Variants in LGR6 observed in about 807,000 individuals in gnomAD.
LGR6 encodes the protein leucine rich repeat containing G protein-coupled receptor 6, also known as leucine-rich repeat-containing G protein-coupled receptor 6.
LGR6 carries 45 observed loss-of-function variants against 69.4 expected under a neutral mutation model. The observed-to-expected ratio is 0.65, with a 90% confidence interval of 0.51 to 0.83. LGR6 has a LOEUF of 0.83. LGR6 is among the 40% of genes least tolerant of loss of function. The pLI, the probability that LGR6 is intolerant of heterozygous loss-of-function variation, is 0.00. For missense variants in LGR6, 1,108 were observed against 1,246.7 expected (o/e 0.89, Z 1.68); for synonymous variants, 538 against 555.0 (o/e 0.97, Z 0.43).
At chr1:202,218,387 C>G (rs753706308) in intron 1 of LGR6, among the ~76,000 whole-genome samples, 11 of 152,196 alleles carry the variant, frequency 7.2e-5, no homozygotes, top group Non-Finnish European at 1.5e-4. Context: ...CAGCTTCAAA[C>G]TCCCAAGCTC....
At chr1:202,252,033 G>A (rs984907837) in intron 4 of LGR6, among the ~76,000 whole-genome samples, 12 of 151,980 alleles carry the variant, frequency 7.9e-5, no homozygotes, top group Non-Finnish European at 1.5e-5. Flanking sequence ...TGAAGGGGGT[G>A]CCCAGGGCTC....
intron 4 of LGR6, among the ~76,000 whole-genome samples, chr1:202,248,521 C>T (rs1571891148): frequency 6.6e-6 from 1 of 152,340 alleles, no homozygotes; most frequent in East Asian, 1.9e-4. Flanking sequence ...TTGGAGCCAG[C>T]TCCTTCCTTT....
At position 202,194,347 on chromosome 1, in the gene LGR6, G is replaced by A. The variant is rs529009182; in HGVS notation, c.212+146G>A. 1.1e-4 allele frequency: 66 copies of A among 598,458 alleles called. 1 individual carries two copies. The South Asian group carries it at 1.3e-3, about 12-fold the overall frequency. The allele number at this position is 598,458 out of a possible 1,614,324, so 37.1% of individuals were successfully genotyped here. The stretch of plus-strand genomic sequence containing the variant: ...TGCCCCCTTCCAAGTTGACCGTTGC[G>A]GGACTGGGGAGGGGAGAAGAGTCTG... On this transcript the variant is annotated intron_variant, in intron 1 of 17. Coordinates refer to ENST00000367278, the MANE Select transcript of LGR6 (RefSeq NM_001017403.2).
intron 3 of LGR6, among the ~76,000 whole-genome samples, chr1:202,232,256 C>T (rs543980773): frequency 1.1e-4 from 17 of 152,164 alleles, no homozygotes; most frequent in African/African-American, 4.1e-4. Flanking sequence ...ACTAAAGGAG[C>T]CTTTGGAAAC....
rs775944393 is a variant in LGR6 at position 202,319,199 on chromosome 1, C to T, written c.2896C>T (p.His966Tyr). 6.3e-6 allele frequency: 10 copies of T among 1,595,400 alleles called. No homozygotes were observed. The African/African-American group carries it at 1.1e-4, about 17-fold the overall frequency. ...GCCCTCTGGCTTGGCCTTTGCTTCA[C>T]ACGTGTAAATATCCCTCCCCATTCT... ...FQPSGLAFAS[H>Y]V Residue 966 changes from histidine (H) to tyrosine (Y), a missense_variant, in exon 18 of 18, where the codon CAC (histidine) becomes TAC (tyrosine). His to Tyr is a moderately conservative substitution (Grantham distance 83). Coordinates refer to ENST00000367278, the MANE Select transcript of LGR6 (RefSeq NM_001017403.2).
chr1:202,318,561 A>T lies in LGR6; in HGVS notation c.2258A>T (p.Lys753Ile). ...CTGGTCGTGGCCGGTGCCTACATCA[A>T]ACTGTACTGTGACCTGCCGCGGGGC... ...CFLVVAGAYI[K>I]LYCDLPRGDF... Residue 753 changes from lysine to isoleucine, a missense_variant, in exon 18 of 18, where the codon AAA becomes ATA. Transcript: ENST00000367278. 6.2e-7 allele frequency: 1 copy of T among 1,614,016 alleles called. No individual in the cohort carries two copies. Among genetic ancestry groups the T allele is most frequent in the Non-Finnish European group, 8.5e-7 (1 of 1,179,994 alleles).
intron 1 of LGR6, chr1:202,197,344 G>T: frequency 1.9e-6 from 1 of 522,740 alleles, no homozygotes; most frequent in South Asian, 1.4e-5. Flanking sequence ...CCACTTTTGG[G>T]CTCAATGCCA....
chr1:202,233,530 TG>T (rs1417907036), intron 3 of LGR6, among the ~76,000 whole-genome samples: 1 of 152,072 alleles, frequency 6.6e-6, no homozygotes, highest in Non-Finnish European at 1.5e-5. Context: ...TCAGGATGGC[TG>T]GGAGGGTAGA....
chr1:202,249,425 A>G (rs1216930079), intron 4 of LGR6, among the ~76,000 whole-genome samples: 1 of 152,106 alleles, frequency 6.6e-6, no homozygotes, highest in South Asian at 2.1e-4. Flanking sequence ...TCTCTGCTTC[A>G]GTTTCTCCCT....
intron 1 of LGR6, chr1:202,214,287 C>T (rs1659610207): frequency 6.7e-7 from 1 of 1,482,682 alleles, no homozygotes. Context: ...ACAGGTCCTC[C>T]GCAGCCCTGG....
chr1:202,265,644 A>G (rs1664586956), intron 4 of LGR6, among the ~76,000 whole-genome samples: 1 of 152,230 alleles, frequency 6.6e-6, no homozygotes. Context: ...TGGCTTTGCC[A>G]TCTCTTTACT....
chr1:202,199,953 A>AT (rs1410603795), intron 1 of LGR6, among the ~76,000 whole-genome samples: 1 of 152,244 alleles, frequency 6.6e-6, no homozygotes, highest in African/African-American at 2.4e-5. Flanking sequence ...TCAGCTACAA[A>AT]TAAACTACTG....
chr1:202,279,356 C>T (rs1665831157), intron 5 of LGR6, among the ~76,000 whole-genome samples: 1 of 152,142 alleles, frequency 6.6e-6, no homozygotes, highest in African/African-American at 2.4e-5. Context: ...AATCCCCAGG[C>T]TCGCAGGAGT....
At chr1:202,312,078 C>T (rs1027861306) in intron 16 of LGR6, among the ~76,000 whole-genome samples, 5 of 152,208 alleles carry the variant, frequency 3.3e-5, no homozygotes, top group Middle Eastern at 3.2e-3. Flanking sequence ...AACTTTCCAC[C>T]GAGCTTAGGT....
chr1:202,242,199 G>T (rs1380332646), intron 4 of LGR6, among the ~76,000 whole-genome samples: 2 of 152,176 alleles, frequency 1.3e-5, no homozygotes, highest in South Asian at 2.1e-4. Flanking sequence ...TTATTCCCAT[G>T]TTATAGATGA....
chr1:202,219,042 A>C (rs903010765), intron 1 of LGR6, among the ~76,000 whole-genome samples: 2 of 152,146 alleles, frequency 1.3e-5, no homozygotes, highest in Non-Finnish European at 2.9e-5. Flanking sequence ...GCTGGCCGGG[A>C]ACTTAGCATT....
chr1:202,214,467 T>C (rs1048473598), intron 1 of LGR6, among the ~76,000 whole-genome samples: 1 of 147,684 alleles, frequency 6.8e-6, no homozygotes, highest in Admixed American at 6.7e-5. Context: ...CGGGCTGGGG[T>C]GGGCAGGGGC....
intron 6 of LGR6, among the ~76,000 whole-genome samples, chr1:202,295,102 C>T (rs1026252221): frequency 6.6e-6 from 1 of 152,014 alleles, no homozygotes; most frequent in African/African-American, 2.4e-5. Flanking sequence ...CCGAGGTGGG[C>T]AGATCACCTG....
At chr1:202,295,079 G>A (rs1262061243) in intron 6 of LGR6, among the ~76,000 whole-genome samples, 2 of 152,148 alleles carry the variant, frequency 1.3e-5, no homozygotes, top group Admixed American at 1.3e-4. Flanking sequence ...TGTAATCCCA[G>A]CACTTTGGGT....
Sources: gnomAD v4.1 joint callset for allele counts (sites outside exome capture counted in the v4.1 genomes callset) on GRCh38, gnomAD v4.1.1 for gene constraint, MANE v1.5 for transcripts, NCBI Gene and HGNC (gene_info 2026-07-23, HGNC 2026-07-21) for gene names.